PCDHA8: variants seen among roughly 807,000 people sequenced by gnomAD.
The protein encoded by PCDHA8 is protocadherin alpha-8.
PCDHA8 carries 53 observed loss-of-function variants against 61.8 expected under a neutral mutation model. The observed-to-expected ratio is 0.86, with a 90% confidence interval of 0.69 to 1.08. The LOEUF is 1.08. Ranked by LOEUF, PCDHA8 falls within the 50% of genes least tolerant of loss-of-function variation. PCDHA8 has a pLI of 0.00. For missense variants in PCDHA8, 1,293 were observed against 1,245.0 expected (o/e 1.04, Z -0.58); for synonymous variants, 618 against 556.6 (o/e 1.11, Z -1.55).
At chr5:140,897,086 T>G (rs527763854) in intron 1 of PCDHA8, among the ~76,000 whole-genome samples, 379 of 152,296 alleles carry the variant, frequency 2.5e-3, no homozygotes, top group African/African-American at 8.4e-3. Context: ...TTCTATTTTT[T>G]ATCCTCATTA....
intron 3 of PCDHA8, among the ~76,000 whole-genome samples, chr5:140,997,912 A>G (rs2097790316): frequency 6.6e-6 from 1 of 152,224 alleles, no homozygotes; most frequent in Admixed American, 6.5e-5. Flanking sequence ...GTAGAATTAC[A>G]GAATCATAGG....
At chr5:140,902,044 AT>A (rs1222362795) in intron 1 of PCDHA8, among the ~76,000 whole-genome samples, 1 of 152,016 alleles carries the variant, frequency 6.6e-6, no homozygotes, top group Admixed American at 6.6e-5. Flanking sequence ...TTGTATGTTG[AT>A]TTTGTATCCT....
At chr5:140,908,021 C>T (rs958070573) in intron 1 of PCDHA8, among the ~76,000 whole-genome samples, 28 of 152,314 alleles carry the variant, frequency 1.8e-4, no homozygotes, top group African/African-American at 6.7e-4. Flanking sequence ...TGGCTACAGC[C>T]CATTAATCAG....
intron 3 of PCDHA8, among the ~76,000 whole-genome samples, chr5:141,007,395 C>CAAAAAAAAAAAAAAA (rs35800918): frequency 2.1e-5 from 2 of 94,866 alleles, no homozygotes; most frequent in Non-Finnish European, 2.1e-5. Context: ...TACTAAAATA[C>CAAAAAAAAAAAAAAA]AAAAAAAAAA....
At chr5:140,929,395 C>G (rs1317256449) in intron 1 of PCDHA8, 8 of 1,510,412 alleles carry the variant, frequency 5.3e-6, no homozygotes, top group Non-Finnish European at 5.3e-6. Flanking sequence ...TGAAATATTT[C>G]TTAGACAAGC....
intron 1 of PCDHA8, among the ~76,000 whole-genome samples, chr5:140,897,045 C>T (rs1362151452): frequency 3.3e-5 from 5 of 152,090 alleles, no homozygotes; most frequent in African/African-American, 9.7e-5. Context: ...TCACCCTATT[C>T]TGCTGTCAAA....
At chr5:140,883,329 C>T (rs1554177701) in intron 1 of PCDHA8, 1 of 1,614,166 alleles carries the variant, frequency 6.2e-7, no homozygotes. Context: ...ACCATCACTT[C>T]TTTGTCACTC....
At chr5:140,942,913 G>T (rs1467978300) in intron 1 of PCDHA8, among the ~76,000 whole-genome samples, 1 of 148,868 alleles carries the variant, frequency 6.7e-6, no homozygotes, top group South Asian at 2.1e-4. Flanking sequence ...TAAGCGTGAA[G>T]AAAAAAAAAA....
At chr5:140,929,191 A>G in intron 1 of PCDHA8, 1 of 1,614,118 alleles carries the variant, frequency 6.2e-7, no homozygotes, top group Non-Finnish European at 8.5e-7. Flanking sequence ...TTCTGATAAT[A>G]ACAGTTTGCT....
chr5:140,991,968 C>A (rs80040458), intron 3 of PCDHA8, among the ~76,000 whole-genome samples: 1,562 of 151,686 alleles, frequency 0.01, 27 homozygotes, highest in African/African-American at 0.036. Context: ...TTTGGTGGGG[C>A]CATTATTCTG....
At position 140,870,679 on chromosome 5, in the gene PCDHA8, G is replaced by C. The variant is rs202117527; in HGVS notation, c.2394+26964G>C. ...CGCGCTGCAGCCGTTGGACCACGAG[G>C]AGCTGGAGCTGCTACAGTTCCAGGT... On this transcript the variant is annotated intron_variant, in intron 1 of 3. Coordinates refer to ENST00000531613, the MANE Select transcript of PCDHA8 (RefSeq NM_018911.3). 1.0e-4 allele frequency: 164 copies of C among 1,612,742 alleles called. No individual in the cohort carries two copies. The African/African-American group carries it at 1.9e-3, about 19-fold the overall frequency.
chr5:140,980,015 G>A (rs1164072132), intron 2 of PCDHA8, among the ~76,000 whole-genome samples: 2 of 152,192 alleles, frequency 1.3e-5, no homozygotes, highest in East Asian at 3.9e-4. Flanking sequence ...CATTACAAAT[G>A]AGCAGAAATC....
chr5:140,906,316 A>G (rs191261196), intron 1 of PCDHA8, among the ~76,000 whole-genome samples: 377 of 152,344 alleles, frequency 2.5e-3, no homozygotes, highest in African/African-American at 8.6e-3. Flanking sequence ...TATTCCCAAC[A>G]TGATACAACT....
At chr5:140,876,706 G>C in intron 1 of PCDHA8, 1 of 1,614,214 alleles carries the variant, frequency 6.2e-7, no homozygotes, top group South Asian at 1.1e-5. Context: ...GCTGGACAGC[G>C]CCCTGGACCG....
rs149846721 is a variant in PCDHA8 at position 140,856,069 on chromosome 5, C to T, written c.2394+12354C>T. ...ATAAGATGGTTTCCAGATGTAGCTG[C>T]CTGGGGGTCCAGTGTCTGCTGCTCT... is the stretch of plus-strand genomic sequence containing the variant. On this transcript the variant is annotated intron_variant, in intron 1 of 3. Transcript: ENST00000531613. 2.1e-5 allele frequency: 33 copies of T among 1,591,484 alleles called. 2 individuals carry two copies. In the African/African-American group the frequency reaches 3.4e-4, roughly 16 times the overall value.
intron 1 of PCDHA8, among the ~76,000 whole-genome samples, chr5:140,956,385 T>C (rs1313427005): frequency 6.6e-6 from 1 of 152,198 alleles, no homozygotes; most frequent in Non-Finnish European, 1.5e-5. Flanking sequence ...ATCGAAGGCC[T>C]TTTCTGAATC....
intron 1 of PCDHA8, chr5:140,877,489 G>A: frequency 6.2e-7 from 1 of 1,613,844 alleles, no homozygotes; most frequent in Non-Finnish European, 8.5e-7. Context: ...GGTGGAGAAC[G>A]GCCAGGCCCC....
intron 1 of PCDHA8, among the ~76,000 whole-genome samples, chr5:140,915,719 T>C (rs545655335): frequency 6.6e-6 from 1 of 152,074 alleles, no homozygotes; most frequent in African/African-American, 2.4e-5. Context: ...GCCCCCACTT[T>C]GGATTGTGCT....
At chr5:140,969,598 T>C in intron 1 of PCDHA8, 1 of 790,872 alleles carries the variant, frequency 1.3e-6, no homozygotes, top group Non-Finnish European at 1.9e-6. Context: ...TAATATTTAA[T>C]GCTAAAACAC....
Sources: allele counts gnomAD v4.1 joint callset (sites outside exome capture counted in the v4.1 genomes callset), GRCh38; gene constraint gnomAD v4.1.1; transcripts MANE v1.5; gene names NCBI Gene and HGNC (gene_info 2026-07-23, HGNC 2026-07-21).